The following STAG2 variants were observed in gnomAD, a reference collection of about 807,000 sequenced individuals.
The protein encoded by STAG2 is cohesin subunit SA-2.
In STAG2, 14 loss-of-function variants were observed where a neutral mutation model predicts 108.1. That is an observed-to-expected ratio of 0.13 (90% CI 0.09 to 0.20). The LOEUF is 0.20. STAG2 is among the 10% of genes least tolerant of loss of function. STAG2 has a pLI of 1.00. For missense variants in STAG2, 440 were observed against 940.9 expected, an observed-to-expected ratio of 0.47 and a Z score of 6.96; for synonymous variants, 307 against 302.7, an observed-to-expected ratio of 1.01 and a Z score of -0.15.
intron 20 of STAG2, among the ~76,000 whole-genome samples, chrX:124,064,797 CT>C (rs2148331993): frequency 9.0e-6 from 1 of 111,640 alleles, no homozygotes; most frequent in African/African-American, 3.3e-5. Flanking sequence ...GCCGCTGCTA[CT>C]GTTGGAGTTT....
intron 22 of STAG2, 25 bp from the exon 23 acceptor site, chrX:124,066,331 C>T (rs746839645): frequency 2.5e-6 from 3 of 1,192,132 alleles, no homozygotes; most frequent in Non-Finnish European, 2.3e-6. Flanking sequence ...TAAATTTTAA[C>T]TGTATCCTTT....
chrX:124,031,044 A>T lies in STAG2; in HGVS notation c.207A>T (p.Arg69=). 8.3e-7 allele frequency: 1 copy of T among 1,211,456 alleles called. No individual in the cohort carries two copies. The highest frequency in any genetic ancestry group is 1.1e-6 in the Non-Finnish European group (1 of 895,369). ...GAAAACCTCCTTCTGGTCCAAACCGAATGAATGGTCATCACCAACAGAATG... is the reference window on the plus strand; with the variant it reads ...GAAAACCTCCTTCTGGTCCAAACCGTATGAATGGTCATCACCAACAGAATG... The part of the protein sequence containing the change: ...GGGKPPSGPN[R]MNGHHQQNGV... The change falls in exon 5 of 35, where the codon CGA becomes CGT. Residue 69 remains arginine (R), a synonymous_variant. Coordinates refer to ENST00000371145, the MANE Select transcript of STAG2 (RefSeq NM_001042750.2).
chrX:124,061,502 T>C (rs2058375406), intron 16 of STAG2, among the ~76,000 whole-genome samples, 161 bp downstream of exon 16: 1 of 111,886 alleles, frequency 8.9e-6, no homozygotes. Context: ...TGTAAAAAGA[T>C]GTAATTGCTG....
chrX:124,014,220 C>T (rs1471527638), intron 1 of STAG2, among the ~76,000 whole-genome samples: 1 of 111,679 alleles, frequency 9.0e-6, no homozygotes, highest in African/African-American at 3.3e-5. Flanking sequence ...GTAGACTGCC[C>T]CAGCTTGCTC....
intron 1 of STAG2, among the ~76,000 whole-genome samples, chrX:123,984,825 G>A (rs759101843): frequency 1.8e-5 from 2 of 110,747 alleles, no homozygotes; most frequent in Non-Finnish European, 3.8e-5. Context: ...TTTTGGTAAA[G>A]GCAGGGCTTC....
intron 1 of STAG2, among the ~76,000 whole-genome samples, chrX:123,991,871 T>G (rs2055495910): frequency 9.2e-6 from 1 of 108,469 alleles, no homozygotes; most frequent in Admixed American, 9.7e-5. Flanking sequence ...TCCCTGTTGG[T>G]CAGGCTGGTC....
intron 33 of STAG2, 84 bp from the exon 34 acceptor site, chrX:124,095,288 G>GT: frequency 1.3e-6 from 1 of 760,262 alleles, no homozygotes; most frequent in South Asian, 2.2e-5. Flanking sequence ...CATAGACCAT[G>GT]TGAAGAACTT....
At chrX:123,996,644 T>C (rs898815104) in intron 1 of STAG2, among the ~76,000 whole-genome samples, 3 of 112,145 alleles carry the variant, frequency 2.7e-5, no homozygotes, top group African/African-American at 9.7e-5. Flanking sequence ...TGGAGTCATA[T>C]AGTAAGTAGC....
chrX:123,972,759 C>T (rs1205207538), intron 1 of STAG2, among the ~76,000 whole-genome samples: 6 of 100,992 alleles, frequency 5.9e-5, no homozygotes, highest in Non-Finnish European at 2.0e-5. Context: ...TGGCTCATGC[C>T]TGTATTCCCA....
intron 29 of STAG2, 40 bp downstream of exon 29, chrX:124,083,589 G>T (rs369827096): frequency 9.2e-7 from 1 of 1,089,096 alleles, no homozygotes; most frequent in Non-Finnish European, 1.2e-6. Context: ...ATTTCATTTT[G>T]GGATTCTTAA....
In STAG2 at chrX:124,095,367, T is replaced by C. The variant is rs778163423; in HGVS notation, c.3706-5T>C. ...AATGTCAACTTATTTCCTTTTTTCC[T>C]TTAGCCACCATCAAAGAACAGACGA... On this transcript the variant is annotated splice_polypyrimidine_tract_variant and splice_region_variant and intron_variant, in intron 33 of 34. Coordinates refer to ENST00000371145, the MANE Select transcript of STAG2 (RefSeq NM_001042750.2). 1 of 1,205,321 alleles carries C rather than the reference T, an allele frequency of 8.3e-7. No individual in the cohort carries two copies. The highest frequency in any genetic ancestry group is 1.7e-5 in the African/African-American group (1 of 57,343).
intron 1 of STAG2, among the ~76,000 whole-genome samples, chrX:123,992,062 AAATATTGGGCCATTTT>A (rs1291742488): frequency 8.9e-6 from 1 of 112,373 alleles, no homozygotes; most frequent in African/African-American, 3.2e-5. Flanking sequence ...GGTTAGATGC[AAATATTGGGCCATTTT>A]ATATAAGGGA....
intron 1 of STAG2, among the ~76,000 whole-genome samples, chrX:124,002,616 C>T (rs1159734225): frequency 9.1e-6 from 1 of 110,381 alleles, no homozygotes; most frequent in East Asian, 2.8e-4. Flanking sequence ...GCCAGTTCTG[C>T]GTCAGCCATA....
In STAG2 at chrX:124,101,568, T is replaced by C. The variant is rs1468987731; in HGVS notation, c.*971T>C. ...ACTTTTAAATTCCAACTTAAAATTA[T>C]GAGGTTTCAGAAATATATTGAAAGT... is the stretch of plus-strand genomic sequence containing the variant. On this transcript the variant is annotated 3_prime_UTR_variant, in exon 35 of 35. Coordinates refer to ENST00000371145, the MANE Select transcript of STAG2 (RefSeq NM_001042750.2). The C allele has an allele frequency of 6.4e-6, 1 of 155,408 alleles. No homozygotes were observed. Among genetic ancestry groups the C allele is most frequent in the Non-Finnish European group, 1.3e-5 (1 of 79,784 alleles). The allele number at this position is 155,408 out of a possible 1,213,427, so 12.8% of individuals were successfully genotyped here. A position where few individuals can be genotyped will look rare whatever the true frequency, so the allele number is the denominator to read the frequency against.
At chrX:124,006,262 A>T (rs1174075677) in intron 1 of STAG2, among the ~76,000 whole-genome samples, 2 of 110,659 alleles carry the variant, frequency 1.8e-5, no homozygotes, top group African/African-American at 6.6e-5. Context: ...ATAGGTTTTC[A>T]TTTCTCTGGG....
chrX:124,009,853 T>A (rs764699416), intron 1 of STAG2, among the ~76,000 whole-genome samples: 14 of 112,214 alleles, frequency 1.2e-4, no homozygotes, highest in Middle Eastern at 4.6e-3. Flanking sequence ...AAAGTTAGAT[T>A]ATTTCTTTTG....
chrX:124,081,881 C>G (rs1223189067), intron 28 of STAG2, among the ~76,000 whole-genome samples: 1 of 111,154 alleles, frequency 9.0e-6, no homozygotes, highest in Non-Finnish European at 1.9e-5. Context: ...CACCTCTAGT[C>G]CCAGCAACTC....
intron 1 of STAG2, among the ~76,000 whole-genome samples, chrX:123,964,903 G>A (rs2054022637): frequency 9.2e-6 from 1 of 108,586 alleles, no homozygotes; most frequent in Non-Finnish European, 1.9e-5. Flanking sequence ...GACAATCCTT[G>A]GTCTCCCTTA....
At chrX:124,022,107 A>C (rs952974815) in intron 2 of STAG2, among the ~76,000 whole-genome samples, 1 of 111,672 alleles carries the variant, frequency 9.0e-6, no homozygotes, top group Non-Finnish European at 1.9e-5. Flanking sequence ...ACGGTGGCTC[A>C]TGCCTGTAAT....
Sources: allele counts gnomAD v4.1 joint callset (sites outside exome capture counted in the v4.1 genomes callset), GRCh38; gene constraint gnomAD v4.1.1; transcripts MANE v1.5; gene names NCBI Gene and HGNC (gene_info 2026-07-23, HGNC 2026-07-21).